Variants in ABCC11 observed in about 807,000 individuals in gnomAD.
The protein encoded by ABCC11 is ATP-binding cassette sub-family C member 11.
In ABCC11, 135 loss-of-function variants were observed where a neutral mutation model predicts 149.3. The observed-to-expected ratio is 0.90, with a 90% confidence interval of 0.79 to 1.04. The LOEUF (loss-of-function observed/expected upper bound fraction) is 1.04, where lower values mean the gene tolerates loss of function less well. ABCC11 is among the 50% of genes least tolerant of loss of function. The pLI is 0.00. For synonymous variants in ABCC11, 665 were observed against 671.4 expected, an observed-to-expected ratio of 0.99 and a Z score of 0.15; for missense variants, 1,680 against 1,722.1, an observed-to-expected ratio of 0.98 and a Z score of 0.43.
chr16:48,225,310 T>C (rs1439826302), intron 4 of ABCC11, among the ~76,000 whole-genome samples: 1 of 152,240 alleles, frequency 6.6e-6, no homozygotes. Flanking sequence ...TATTTAAACA[T>C]GTCTTTATAG....
chr16:48,213,124 C>T (rs1243299042), intron 10 of ABCC11, among the ~76,000 whole-genome samples: 4 of 152,242 alleles, frequency 2.6e-5, no homozygotes, highest in African/African-American at 9.6e-5. Context: ...TCAATGCAAG[C>T]AACATCTATG....
chr16:48,172,671 G>A (rs1334107680), intron 26 of ABCC11, among the ~76,000 whole-genome samples: 3 of 152,184 alleles, frequency 2.0e-5, no homozygotes, highest in Non-Finnish European at 4.4e-5. Flanking sequence ...CACTGGCAAT[G>A]CATGAGAGTT....
chr16:48,190,178 G>C (rs114307511), intron 20 of ABCC11, among the ~76,000 whole-genome samples: 2,682 of 152,136 alleles, frequency 0.018, 96 homozygotes, highest in African/African-American at 0.062. Flanking sequence ...CTACGACAAT[G>C]GCCTGTTTTC....
At chr16:48,182,782 C>CAA (rs558410509) in intron 23 of ABCC11, among the ~76,000 whole-genome samples, 5 of 73,436 alleles carry the variant, frequency 6.8e-5, no homozygotes, top group African/African-American at 1.5e-4. Flanking sequence ...GACTCCATCT[C>CAA]AAAAAAAAAA....
intron 6 of ABCC11, among the ~76,000 whole-genome samples, chr16:48,220,510 G>A (rs1969663292): frequency 6.6e-6 from 1 of 152,226 alleles, no homozygotes; most frequent in Non-Finnish European, 1.5e-5. Flanking sequence ...CAGGAGGACA[G>A]TGGAGCTCAA....
At chr16:48,206,828 C>T (rs1968488864) in intron 12 of ABCC11, among the ~76,000 whole-genome samples, 1 of 152,204 alleles carries the variant, frequency 6.6e-6, no homozygotes. Flanking sequence ...CTCACGTACT[C>T]ATCTGTAAAT....
chr16:48,232,933 C>T (rs1246020814), intron 1 of ABCC11, among the ~76,000 whole-genome samples: 1 of 152,178 alleles, frequency 6.6e-6, no homozygotes, highest in Non-Finnish European at 1.5e-5. Context: ...GGTATGATGG[C>T]ATGCACCTGT....
chr16:48,170,103 A>G lies in ABCC11; in HGVS notation c.3891+2T>C. 6.2e-7 allele frequency: 1 copy of G among 1,612,804 alleles called. No homozygotes were observed. The highest frequency in any genetic ancestry group is 8.5e-7 in the Non-Finnish European group (1 of 1,179,102). ...CTGGCCACACGGCAGTGGTGGCCTC[A>G]CCTTGGAGTTGCGAAGCACAGCCCT... On this transcript the variant is annotated splice_donor_variant, in intron 28 of 29. Coordinates refer to ENST00000356608, the MANE Select transcript of ABCC11 (RefSeq NM_001370497.1). LOFTEE classifies it high-confidence loss of function.
chr16:48,224,833 G>A (rs1360289601), intron 4 of ABCC11, among the ~76,000 whole-genome samples: 3 of 152,134 alleles, frequency 2.0e-5, no homozygotes, highest in African/African-American at 7.2e-5. Context: ...GACCAGTCTG[G>A]TCAACATGGT....
intron 23 of ABCC11, among the ~76,000 whole-genome samples, chr16:48,183,971 C>G (rs1352920019): frequency 6.6e-6 from 1 of 152,140 alleles, no homozygotes; most frequent in African/African-American, 2.4e-5. Context: ...GGCTGTGAAA[C>G]CCACCTTTTA....
intron 1 of ABCC11, among the ~76,000 whole-genome samples, chr16:48,233,801 G>T (rs1280992101): frequency 6.6e-6 from 1 of 152,214 alleles, no homozygotes; most frequent in Non-Finnish European, 1.5e-5. Flanking sequence ...ACCTGTGGTT[G>T]CAATTGGTGA....
chr16:48,180,745 C>CA (rs1249438590), intron 23 of ABCC11, among the ~76,000 whole-genome samples: 1 of 152,138 alleles, frequency 6.6e-6, no homozygotes, highest in Non-Finnish European at 1.5e-5. Context: ...AGACAGGAGA[C>CA]AGAGTTTTTG....
At chr16:48,211,735 C>T (rs1257431137) in intron 10 of ABCC11, among the ~76,000 whole-genome samples, 7 of 152,080 alleles carry the variant, frequency 4.6e-5, no homozygotes. Context: ...CTGTCCGTGT[C>T]CCACACTGGG....
chr16:48,244,340 C>G, intron 1 of ABCC11: 2 of 1,368,660 alleles, frequency 1.5e-6, no homozygotes, highest in Non-Finnish European at 1.9e-6. Flanking sequence ...CCGGGGGCAG[C>G]TGTCTGTCTG....
intron 25 of ABCC11, 73 bp downstream of exon 25, chr16:48,176,851 T>C: frequency 6.7e-7 from 1 of 1,485,412 alleles, no homozygotes; most frequent in Non-Finnish European, 9.1e-7. Context: ...AGCAAACACA[T>C]GCCCCTAAAT....
rs1167237551 is a variant in ABCC11, at chr16:48,196,164, C to T, written c.2404+68G>A. The stretch of plus-strand genomic sequence containing the variant: ...CTACTTCACATGACCTCACGTGTTC[C>T]AATCTGACCCAGTTCCAGGGATAGG... On this transcript the variant is annotated intron_variant, in intron 18 of 29. Coordinates refer to ENST00000356608, the MANE Select transcript of ABCC11 (RefSeq NM_001370497.1). The T allele has an allele frequency of 3.3e-6, 5 of 1,528,934 alleles. No individual in the cohort carries two copies. In the African/African-American group the frequency reaches 6.8e-5, roughly 21 times the overall value. 94.7% of individuals were successfully genotyped at this position (1,528,934 alleles called of 1,614,324 possible). A position where few individuals can be genotyped will look rare whatever the true frequency, so the allele number is the denominator to read the frequency against.
chr16:48,219,357 G>T (rs1969575921), intron 6 of ABCC11, among the ~76,000 whole-genome samples: 1 of 152,136 alleles, frequency 6.6e-6, no homozygotes, highest in Admixed American at 6.5e-5. Flanking sequence ...TTTTGGTAGA[G>T]ATGGGATTTC....
chr16:48,234,763 G>C (rs1008190384), intron 1 of ABCC11, among the ~76,000 whole-genome samples: 3 of 152,134 alleles, frequency 2.0e-5, no homozygotes, highest in Admixed American at 2.0e-4. Context: ...GACAGGGGAG[G>C]CCTAGCAACT....
chr16:48,228,502 G>A (rs1320769201), intron 3 of ABCC11, among the ~76,000 whole-genome samples: 5 of 151,926 alleles, frequency 3.3e-5, no homozygotes, highest in African/African-American at 4.8e-5. Flanking sequence ...AGGCTGAGGC[G>A]TGAGAATCGC....
Sources: gnomAD v4.1 joint callset for allele counts (sites outside exome capture counted in the v4.1 genomes callset) on GRCh38, gnomAD v4.1.1 for gene constraint, MANE v1.5 for transcripts, NCBI Gene and HGNC (gene_info 2026-07-23, HGNC 2026-07-21) for gene names.